The following PCDHGA10 variants were observed in gnomAD, a reference collection of about 807,000 sequenced individuals.
The protein encoded by PCDHGA10 is protocadherin gamma subfamily A, 10, also known as protocadherin gamma-A10.
A neutral mutation model predicts 59.5 loss-of-function variants in PCDHGA10; 42 were observed. The ratio of observed to expected loss-of-function variants is 0.71; its 90% confidence interval spans 0.55 to 0.91. The LOEUF is 0.91. Among genes scored for constraint, PCDHGA10 ranks in the 40% least tolerant of loss-of-function variants. The probability of loss-of-function intolerance (pLI) is 0.00; values close to 1 mark genes in which losing one functional copy is unlikely to be tolerated. For missense variants in PCDHGA10, 1,111 were observed against 1,198.2 expected (o/e 0.93, Z 1.07); for synonymous variants, 511 against 517.2 (o/e 0.99, Z 0.16).
intron 1 of PCDHGA10, chr5:141,422,941 G>C (rs777535652): frequency 1.2e-6 from 2 of 1,614,218 alleles, no homozygotes; most frequent in Non-Finnish European, 1.7e-6. Context: ...CCCCACAGAC[G>C]GCTCCACTGG....
At chr5:141,450,815 A>T (rs183350620) in intron 1 of PCDHGA10, among the ~76,000 whole-genome samples, 1,650 of 126,706 alleles carry the variant, frequency 0.013, 15 homozygotes, top group African/African-American at 0.032. Context: ...TATTTATTTA[A>T]TATTATTATT....
At chr5:141,438,268 C>T (rs949472857) in intron 1 of PCDHGA10, among the ~76,000 whole-genome samples, 1 of 152,054 alleles carries the variant, frequency 6.6e-6, no homozygotes. Flanking sequence ...ACCATAGAAT[C>T]AAACAAAATA....
intron 1 of PCDHGA10, among the ~76,000 whole-genome samples, chr5:141,433,690 A>G (rs951380027): frequency 2.0e-5 from 3 of 152,088 alleles, no homozygotes; most frequent in African/African-American, 7.2e-5. Flanking sequence ...ATACAAAATT[A>G]GCCGGGCGTG....
chr5:141,419,012 A>C (rs1422133011), intron 1 of PCDHGA10: 1 of 1,613,986 alleles, frequency 6.2e-7, no homozygotes. Context: ...AGTCAGGTGT[A>C]GCTTAAGTAG....
At chr5:141,416,253 A>G (rs1399251065) in intron 1 of PCDHGA10, 1 of 152,312 alleles carries the variant, frequency 6.6e-6, no homozygotes, top group Non-Finnish European at 1.5e-5. Flanking sequence ...AACTGATAAC[A>G]CTGCAGTATC....
chr5:141,496,277 T>C (rs1484877198), intron 2 of PCDHGA10, among the ~76,000 whole-genome samples: 1 of 152,134 alleles, frequency 6.6e-6, no homozygotes, highest in Non-Finnish European at 1.5e-5. Context: ...AGACCTTCAG[T>C]TGGTCTGAGC....
chr5:141,510,272 TAAAA>T (rs546154379), intron 3 of PCDHGA10, among the ~76,000 whole-genome samples: 1 of 130,390 alleles, frequency 7.7e-6, no homozygotes, highest in East Asian at 2.2e-4. Context: ...GACTCCATCT[TAAAA>T]AAAAAAAAAA....
At chr5:141,433,272 C>A in intron 1 of PCDHGA10, 1 of 1,252,410 alleles carries the variant, frequency 8.0e-7, no homozygotes, top group Non-Finnish European at 1.1e-6. Context: ...TAGCTCACTG[C>A]AGCCTCAAAC....
At chr5:141,437,863 G>A (rs2097915247) in intron 1 of PCDHGA10, among the ~76,000 whole-genome samples, 2 of 151,480 alleles carry the variant, frequency 1.3e-5, no homozygotes, top group African/African-American at 2.4e-5. Context: ...TTAGCCTCCC[G>A]AGTAGCTGGG....
intron 1 of PCDHGA10, chr5:141,441,697 C>T: frequency 6.5e-6 from 2 of 307,306 alleles, no homozygotes; most frequent in Non-Finnish European, 1.3e-5. Flanking sequence ...CAGCCGCGAG[C>T]CTTCAAGCTC....
Position 141,414,148 on chromosome 5 carries a change from G to C in PCDHGA10, c.973G>C (p.Ala325Pro). Residue 325 changes from alanine to proline, a missense_variant, in exon 1 of 4, where the codon GCA (alanine) becomes CCA (proline). By Grantham distance (27) the Ala-to-Pro change is conservative (BLOSUM62 -1). Coordinates refer to ENST00000398610, the MANE Select transcript of PCDHGA10 (RefSeq NM_018913.3). The part of the protein sequence containing the change: ...ETGFYEIEIQ[A>P]EDGGAYLATA... ...CGGTTTCTATGAAATAGAAATACAA[G>C]CAGAAGATGGAGGAGCATATCTTGC... 7 of 1,598,900 alleles carry C rather than the reference G, an allele frequency of 4.4e-6. No homozygotes were observed. Among genetic ancestry groups the C allele is most frequent in the Non-Finnish European group, 6.0e-6 (7 of 1,172,420 alleles).
chr5:141,442,797 G>A (rs140116155), intron 1 of PCDHGA10, among the ~76,000 whole-genome samples: 1,916 of 152,222 alleles, frequency 0.013, 22 homozygotes, highest in Non-Finnish European at 0.02. Context: ...ATTTTACTTT[G>A]ATATTCAAAT....
intron 1 of PCDHGA10, chr5:141,419,521 C>T (rs1418329404): frequency 1.2e-6 from 2 of 1,612,122 alleles, no homozygotes; most frequent in East Asian, 2.2e-5. Context: ...TGGTGGGCGA[C>T]CGTAACGACA....
At chr5:141,452,134 T>C (rs539377216) in intron 1 of PCDHGA10, among the ~76,000 whole-genome samples, 2 of 152,344 alleles carry the variant, frequency 1.3e-5, no homozygotes, top group South Asian at 2.1e-4. Flanking sequence ...ATATGGCTCA[T>C]GTGTTTTTTC....
At chr5:141,421,967 T>C (rs760789458) in intron 1 of PCDHGA10, 2 of 1,611,174 alleles carry the variant, frequency 1.2e-6, no homozygotes, top group Admixed American at 3.4e-5. Flanking sequence ...ACACAGTCCG[T>C]ATATCGCGTG....
intron 1 of PCDHGA10, 30 bp downstream of exon 1, chr5:141,415,641 TAAA>T: frequency 7.8e-7 from 1 of 1,280,840 alleles, no homozygotes; most frequent in African/African-American, 1.5e-5. Context: ...TTACTTTTGT[TAAA>T]AAAAAAAAGA....
In PCDHGA10 at chr5:141,413,348, T is replaced by C. The variant is rs1217580039; in HGVS notation, c.173T>C (p.Leu58Pro). The change falls in exon 1 of 4, where the codon CTG (leucine) becomes CCG (proline). Residue 58 changes from leucine to proline, a missense_variant. Leu to Pro is a moderately conservative substitution (Grantham distance 98). Transcript: ENST00000398610. The stretch of plus-strand genomic sequence containing the variant: ...GGCAACATCTCCAAGGACTTGGGTC[T>C]GGCGCCCCGGGAGCTGGCGGAGCGC... ...FVGNISKDLG[L>P]APRELAERGV... The C allele has an allele frequency of 1.9e-6, 3 of 1,613,872 alleles. No homozygotes were observed. In the Admixed American group the frequency reaches 5.0e-5, roughly 27 times the overall value.
At chr5:141,504,306 G>A (rs2099837315) in intron 2 of PCDHGA10, among the ~76,000 whole-genome samples, 1 of 152,076 alleles carries the variant, frequency 6.6e-6, no homozygotes, top group South Asian at 2.1e-4. Context: ...AACACTCGGA[G>A]TTTCTAAAAG....
chr5:141,420,065 G>A (rs1253164840), intron 1 of PCDHGA10: 4 of 1,614,018 alleles, frequency 2.5e-6, no homozygotes, highest in Non-Finnish European at 3.4e-6. Flanking sequence ...CTCCAAGTCC[G>A]GACCTGTGGG....
Sources: gnomAD v4.1 joint callset for allele counts (sites outside exome capture counted in the v4.1 genomes callset) on GRCh38, gnomAD v4.1.1 for gene constraint, MANE v1.5 for transcripts, NCBI Gene and HGNC (gene_info 2026-07-23, HGNC 2026-07-21) for gene names.